MTARC1: variants seen among roughly 807,000 people sequenced by gnomAD.
MTARC1 encodes the protein mitochondrial amidoxime-reducing component 1.
In MTARC1, 24 loss-of-function variants were observed where a neutral mutation model predicts 33.6. The ratio of observed to expected loss-of-function variants is 0.72; its 90% CI spans 0.52 to 1.01. The LOEUF (loss-of-function observed/expected upper bound fraction) is 1.01, where lower values mean the gene tolerates loss of function less well. Ranked by LOEUF, MTARC1 falls within the 50% of genes least tolerant of loss-of-function variation. MTARC1 has a pLI of 0.00. For synonymous variants in MTARC1, 187 were observed against 189.5 expected (o/e 0.99, Z 0.11); for missense variants, 417 against 445.7 (o/e 0.94, Z 0.58).
chr1:220,806,087 C>T (rs17008835), intron 6 of MTARC1, among the ~76,000 whole-genome samples: 31,964 of 152,198 alleles, frequency 0.21, 3,703 homozygotes, highest in East Asian at 0.34. Flanking sequence ...GGGTTATTCT[C>T]ATATGCAGTC....
chr1:220,806,008 A>G (rs72472340), intron 6 of MTARC1, among the ~76,000 whole-genome samples: 4,984 of 152,314 alleles, frequency 0.033, 250 homozygotes, highest in African/African-American at 0.11. Flanking sequence ...ACATGAGTAG[A>G]TAAAAGGCTG....
intron 6 of MTARC1, among the ~76,000 whole-genome samples, chr1:220,811,831 C>G (rs1329594289): frequency 6.6e-6 from 1 of 152,172 alleles, no homozygotes; most frequent in Non-Finnish European, 1.5e-5. Context: ...GACGGTTTTA[C>G]TCATGAGCAT....
At chr1:220,812,647 G>C (rs926154871) in intron 6 of MTARC1, among the ~76,000 whole-genome samples, 9 of 152,208 alleles carry the variant, frequency 5.9e-5, no homozygotes, top group African/African-American at 2.2e-4. Flanking sequence ...TGGTTCAGGT[G>C]ACAGACATGG....
rs961361395 is a variant in MTARC1 at position 220,814,213 on chromosome 1, A to G, written c.*795A>G. The G allele has an allele frequency of 2.0e-5, 3 of 152,244 alleles. No individual in the cohort carries two copies. The highest frequency in any genetic ancestry group is 4.4e-5 in the Non-Finnish European group (3 of 68,050). The allele number at this position is 152,244 out of a possible 1,614,324, so 9.4% of individuals were successfully genotyped here. A position where few individuals can be genotyped will look rare whatever the true frequency, so the allele number is the denominator to read the frequency against. ...ACTACTGAAAACCTTTAAAGGGGGA[A>G]AAGGAAAGCATATGTCAGTTGTTTA... is the stretch of plus-strand genomic sequence containing the variant. On this transcript the variant is annotated 3_prime_UTR_variant, in exon 7 of 7. Coordinates refer to ENST00000366910, the MANE Select transcript of MTARC1 (RefSeq NM_022746.4).
intron 1 of MTARC1, among the ~76,000 whole-genome samples, chr1:220,788,442 G>A (rs916466876): frequency 6.6e-6 from 1 of 152,142 alleles, no homozygotes; most frequent in African/African-American, 2.4e-5. Flanking sequence ...ATAGTTGAAA[G>A]GTGAGTGACG....
chr1:220,795,737 A>G (rs1487088162), intron 2 of MTARC1, among the ~76,000 whole-genome samples: 3 of 152,316 alleles, frequency 2.0e-5, no homozygotes, highest in African/African-American at 4.8e-5. Context: ...ACATTACTAA[A>G]TTCTAGCTAG....
intron 1 of MTARC1, among the ~76,000 whole-genome samples, chr1:220,790,125 A>G (rs1672376298): frequency 6.6e-6 from 1 of 152,224 alleles, no homozygotes; most frequent in South Asian, 2.1e-4. Context: ...TTTTGATTAA[A>G]GCTGCAATAA....
At chr1:220,791,360 C>T (rs971755429) in intron 1 of MTARC1, 131 bp from the exon 2 acceptor site, 2 of 931,110 alleles carry the variant, frequency 2.1e-6, no homozygotes, top group Non-Finnish European at 3.2e-6. Context: ...CAGACACACA[C>T]ACTCAAACTC....
chr1:220,799,995 G>T (rs1315387417), intron 4 of MTARC1, among the ~76,000 whole-genome samples: 1 of 152,168 alleles, frequency 6.6e-6, no homozygotes, highest in Non-Finnish European at 1.5e-5. Flanking sequence ...TTTGGCTCAG[G>T]TACCAGCTTT....
chr1:220,787,225 G>A lies in MTARC1; in HGVS notation c.275+6G>A. 2 of 1,559,376 alleles carry A rather than the reference G, an allele frequency of 1.3e-6. No homozygotes were observed. Among genetic ancestry groups the A allele is most frequent in the East Asian group, 2.4e-5 (1 of 41,376 alleles). On this transcript the variant is annotated splice_donor_region_variant and intron_variant, in intron 1 of 6. Coordinates refer to ENST00000366910, the MANE Select transcript of MTARC1 (RefSeq NM_022746.4). ...AGCGGCAACCTGCGGGACAGGTACG[G>A]CCAAGCGCCGGCGCGGGGCAGCGCT...
At position 220,797,983 on chromosome 1, in the gene MTARC1, T is replaced by G; in HGVS notation, c.722T>G (p.Ile241Ser). The part of the protein sequence containing the change: ...KVKATNFRPN[I>S]VISGCDVYAE... ...AAAGCAACCAACTTCAGGCCCAATA[T>G]TGTAATTTCAGGATGCGATGTCTAT... Residue 241 changes from isoleucine (I) to serine (S), a missense_variant, in exon 4 of 7, where the codon ATT (isoleucine) becomes AGT (serine). Transcript: ENST00000366910. The G allele has an allele frequency of 6.2e-7, 1 of 1,614,200 alleles. No homozygotes were observed. Among genetic ancestry groups the G allele is most frequent in the Non-Finnish European group, 8.5e-7 (1 of 1,180,024 alleles).
chr1:220,787,658 G>A (rs891047613), intron 1 of MTARC1, among the ~76,000 whole-genome samples: 2 of 152,160 alleles, frequency 1.3e-5, no homozygotes, highest in African/African-American at 4.8e-5. Flanking sequence ...CCCTCCAAGA[G>A]CGCACCAAGG....
intron 4 of MTARC1, chr1:220,799,293 T>G: frequency 1.8e-6 from 1 of 562,838 alleles, no homozygotes; most frequent in Non-Finnish European, 2.3e-6. Flanking sequence ...GTGGACTGTG[T>G]GCATGTCCCC....
In MTARC1 at chr1:220,816,992, C is replaced by T. The variant is rs1673295355; in HGVS notation, c.*3574C>T. ...CTCTAACCTTGCCCTTACAGCAATA[C>T]CTGTGATGTAAGTTACAAAACCACC... On this transcript the variant is annotated 3_prime_UTR_variant, in exon 7 of 7. Coordinates refer to ENST00000366910, the MANE Select transcript of MTARC1 (RefSeq NM_022746.4). 1 of 152,154 alleles carries T rather than the reference C, an allele frequency of 6.6e-6. No individual in the cohort carries two copies. The highest frequency in any genetic ancestry group is 1.5e-5 in the Non-Finnish European group (1 of 68,082). 9.4% of individuals were successfully genotyped at this position (152,154 alleles called of 1,614,324 possible).
intron 1 of MTARC1, among the ~76,000 whole-genome samples, chr1:220,788,146 A>AT (rs1312359970): frequency 6.6e-6 from 1 of 152,094 alleles, no homozygotes; most frequent in Admixed American, 6.5e-5. Context: ...CAGGACTCTT[A>AT]TTTTCTTTAG....
chr1:220,796,620 C>T, intron 2 of MTARC1, 23 bp from the exon 3 acceptor site: 1 of 1,551,546 alleles, frequency 6.4e-7, no homozygotes, highest in Non-Finnish European at 8.7e-7. Flanking sequence ...CATGTCTGCC[C>T]TTTGCTCCTG....
At chr1:220,787,858 A>G (rs978313161) in intron 1 of MTARC1, among the ~76,000 whole-genome samples, 1 of 151,994 alleles carries the variant, frequency 6.6e-6, no homozygotes, top group East Asian at 1.9e-4. Context: ...AAAAACAAAA[A>G]TTAGCCGGGC....
At position 220,786,992 on chromosome 1, in the gene MTARC1, G is replaced by C; in HGVS notation, c.48G>C (p.Ala16=). 7.8e-7 allele frequency: 1 copy of C among 1,284,396 alleles called. No homozygotes were observed. Among genetic ancestry groups the C allele is most frequent in the Non-Finnish European group, 9.8e-7 (1 of 1,022,550 alleles). 79.6% of individuals were successfully genotyped at this position (1,284,396 alleles called of 1,614,324 possible). ...SSALARFVLL[A]QSRPGWLGVA... ...CGCTGGCGCGCTTTGTCCTCCTCGC[G>C]CAATCCCGGCCCGGGTGGCTCGGGG... is the stretch of plus-strand genomic sequence containing the variant. The change falls in exon 1 of 7, where the codon GCG becomes GCC. Residue 16 remains alanine (A), a synonymous_variant. Transcript: ENST00000366910.
intron 1 of MTARC1, among the ~76,000 whole-genome samples, chr1:220,787,995 G>A (rs903277007): frequency 2.0e-5 from 3 of 151,032 alleles, no homozygotes; most frequent in Non-Finnish European, 4.4e-5. Context: ...GCAACAGAGC[G>A]AGACTCCGAA....
Sources: gnomAD v4.1 joint callset for allele counts (sites outside exome capture counted in the v4.1 genomes callset) on GRCh38, gnomAD v4.1.1 for gene constraint, MANE v1.5 for transcripts, NCBI Gene and HGNC (gene_info 2026-07-23, HGNC 2026-07-21) for gene names.